The following GALNT17 variants were observed in gnomAD, a reference collection of about 807,000 sequenced individuals.
GALNT17 encodes the protein polypeptide N-acetylgalactosaminyltransferase 17, also known as UDP-GalNAc:polypeptide N-acetylgalactosaminyltransferase-like 3.
GALNT17 carries 29 observed loss-of-function variants against 63.7 expected under a neutral mutation model. The observed-to-expected ratio is 0.46, with a 90% CI of 0.34 to 0.62. The LOEUF is 0.62. Among genes scored for constraint, GALNT17 ranks in the 20% least tolerant of loss-of-function variants. The pLI is 0.01. For missense variants in GALNT17, 603 were observed against 799.6 expected, an observed-to-expected ratio of 0.75 and a Z score of 2.97; for synonymous variants, 305 against 318.3, an observed-to-expected ratio of 0.96 and a Z score of 0.45.
intron 1 of GALNT17, among the ~76,000 whole-genome samples, chr7:71,324,621 G>A (rs1791672944): frequency 6.6e-6 from 1 of 152,144 alleles, no homozygotes; most frequent in South Asian, 2.1e-4. Context: ...TCATGCCACT[G>A]CACTGCAGCC....
chr7:71,166,107 C>T (rs1344324015), intron 1 of GALNT17, among the ~76,000 whole-genome samples: 2 of 152,208 alleles, frequency 1.3e-5, no homozygotes, highest in Non-Finnish European at 2.9e-5. Flanking sequence ...CTTCATCGTT[C>T]AAATGCAATG....
chr7:71,499,904 TAGTG>T (rs1156404550), intron 5 of GALNT17, among the ~76,000 whole-genome samples: 2 of 152,216 alleles, frequency 1.3e-5, no homozygotes, highest in Non-Finnish European at 2.9e-5. Flanking sequence ...GTTCTCATGA[TAGTG>T]AGTTATCACG....
At position 71,654,913 on chromosome 7, in the gene GALNT17, C is replaced by G. The variant is rs548839132; in HGVS notation, c.1081-10498C>G. 1.3e-4 allele frequency among the ~76,000 whole-genome samples: 20 copies of G among 152,160 alleles called. No individual in the cohort carries two copies. In the East Asian group the frequency reaches 1.7e-3, roughly 13 times the overall value. On this transcript the variant is annotated intron_variant, in intron 6 of 10. Transcript: ENST00000333538. ...GAGCGATTCGTCTGCCTCAGCCTCC[C>G]GAGTAGCTGGGATTACAGGCACCTG...
intron 1 of GALNT17, among the ~76,000 whole-genome samples, chr7:71,297,065 T>C (rs1351352826): frequency 6.6e-6 from 1 of 152,230 alleles, no homozygotes; most frequent in Non-Finnish European, 1.5e-5. Context: ...AAGCCTTTTC[T>C]TAAGCACACC....
intron 1 of GALNT17, among the ~76,000 whole-genome samples, chr7:71,245,414 T>G (rs1790075946): frequency 6.6e-6 from 1 of 152,204 alleles, no homozygotes; most frequent in South Asian, 2.1e-4. Flanking sequence ...GGCACAGGTA[T>G]GGAGTAGTCT....
rs140907527 is a variant in GALNT17, at chr7:71,709,044, T to A, written c.1501-1717T>A. On this transcript the variant is annotated intron_variant, in intron 9 of 10. Coordinates refer to ENST00000333538, the MANE Select transcript of GALNT17 (RefSeq NM_022479.3). ...CGTGTAAGTGCATGTGTCTTTTTGG[T>A]AGAATGATGTCTTTTCCTTTGGGTA... Among the ~76,000 whole-genome samples the A allele has an allele frequency of 4.0e-4, 61 of 152,318 alleles. No homozygotes were observed. In the East Asian group the frequency reaches 0.012, roughly 29 times the overall value.
At chr7:71,445,239 C>T (rs748287954) in intron 5 of GALNT17, among the ~76,000 whole-genome samples, 4 of 147,962 alleles carry the variant, frequency 2.7e-5, no homozygotes, top group African/African-American at 5.0e-5. Flanking sequence ...AGTGCAGTGG[C>T]ACAATCTCAG....
intron 8 of GALNT17, among the ~76,000 whole-genome samples, chr7:71,676,315 T>G (rs965228405): frequency 6.6e-6 from 1 of 152,138 alleles, no homozygotes; most frequent in African/African-American, 2.4e-5. Context: ...AGCATAGGTA[T>G]CAGTAAATGT....
At chr7:71,392,854 A>G (rs1291771487) in intron 3 of GALNT17, among the ~76,000 whole-genome samples, 2 of 152,144 alleles carry the variant, frequency 1.3e-5, no homozygotes, top group African/African-American at 4.8e-5. Flanking sequence ...CTCTTGAACT[A>G]GAAGAGGAAT....
chr7:71,499,569 G>T lies in GALNT17; in HGVS notation c.963-71716G>T, dbSNP rs192228077. ...CAGCATTTTCATTAATGATACGATT[G>T]TTTTATAATGAGTGCTCCAAAGATT... On this transcript the variant is annotated intron_variant, in intron 5 of 10. Coordinates refer to ENST00000333538, the MANE Select transcript of GALNT17 (RefSeq NM_022479.3). Among the ~76,000 whole-genome samples, 67 of 152,274 alleles carry T rather than the reference G, an allele frequency of 4.4e-4. No individual in the cohort carries two copies. The Middle Eastern group carries it at 0.01, about 23-fold the overall frequency.
chr7:71,559,992 G>A (rs1005441547), intron 5 of GALNT17, among the ~76,000 whole-genome samples: 7 of 151,502 alleles, frequency 4.6e-5, no homozygotes, highest in East Asian at 1.9e-4. Context: ...TCAGGAGTTC[G>A]AGACCAGCCT....
At chr7:71,511,312 C>A (rs1788351700) in intron 5 of GALNT17, among the ~76,000 whole-genome samples, 1 of 152,056 alleles carries the variant, frequency 6.6e-6, no homozygotes, top group African/African-American at 2.4e-5. Flanking sequence ...AACCAGGGTG[C>A]CTGGAGTGTG....
intron 5 of GALNT17, among the ~76,000 whole-genome samples, chr7:71,439,061 A>C (rs906518237): frequency 6.6e-6 from 1 of 151,674 alleles, no homozygotes; most frequent in Admixed American, 6.6e-5. Flanking sequence ...CTAATTTTTT[A>C]AAATTGTTTG....
chr7:71,396,800 T>C (rs1793147177), intron 3 of GALNT17, among the ~76,000 whole-genome samples: 1 of 152,194 alleles, frequency 6.6e-6, no homozygotes, highest in South Asian at 2.1e-4. Flanking sequence ...AACAATGTTT[T>C]ATAGTTTTCA....
At chr7:71,416,792 T>C (rs1437255977) in intron 4 of GALNT17, among the ~76,000 whole-genome samples, 1 of 152,134 alleles carries the variant, frequency 6.6e-6, no homozygotes, top group Non-Finnish European at 1.5e-5. Context: ...TTCTAACTAC[T>C]CAGGTAAAGC....
rs562111186 is a variant in GALNT17 at position 71,272,917 on chromosome 7, G to A, written c.239-62633G>A. Among the ~76,000 whole-genome samples the A allele has an allele frequency of 8.6e-5, 13 of 150,668 alleles. No individual in the cohort carries two copies. In the South Asian group the frequency reaches 1.0e-3, roughly 12 times the overall value. On this transcript the variant is annotated intron_variant, in intron 1 of 10. Transcript: ENST00000333538. ...ATCATGTCTGCTTTTTCACCCTACC[G>A]GAGAGCAAAGAAGAGCCTTGAAAGT...
intron 1 of GALNT17, among the ~76,000 whole-genome samples, chr7:71,145,120 A>T (rs912362545): frequency 6.6e-6 from 1 of 152,120 alleles, no homozygotes; most frequent in Non-Finnish European, 1.5e-5. Context: ...AATTGTCAGG[A>T]TGTGGAAACT....
At chr7:71,161,487 C>G (rs1166593856) in intron 1 of GALNT17, among the ~76,000 whole-genome samples, 3 of 152,116 alleles carry the variant, frequency 2.0e-5, no homozygotes, top group African/African-American at 7.2e-5. Flanking sequence ...TACGAATATG[C>G]TTTCCACAGA....
intron 1 of GALNT17, among the ~76,000 whole-genome samples, chr7:71,163,503 C>T (rs973624235): frequency 1.3e-5 from 2 of 152,084 alleles, no homozygotes; most frequent in Admixed American, 6.5e-5. Flanking sequence ...TCTTTAAGGC[C>T]CCTTTTCCCT....
Sources: gnomAD v4.1 joint callset for allele counts (sites outside exome capture counted in the v4.1 genomes callset) on GRCh38, gnomAD v4.1.1 for gene constraint, MANE v1.5 for transcripts, NCBI Gene and HGNC (gene_info 2026-07-23, HGNC 2026-07-21) for gene names.